Variants in B4GALT1 observed in about 807,000 individuals in gnomAD.
B4GALT1 encodes the protein beta-1,4-galactosyltransferase 1.
B4GALT1 carries 16 observed loss-of-function variants against 34.9 expected under a neutral mutation model. The ratio of observed to expected loss-of-function variants is 0.46; its 90% confidence interval spans 0.31 to 0.70. B4GALT1 has a LOEUF of 0.70. Among genes scored for constraint, B4GALT1 ranks in the 30% least tolerant of loss-of-function variants. B4GALT1 has a pLI of 0.05. For missense variants in B4GALT1, 445 were observed against 530.5 expected (o/e 0.84, Z 1.58); for synonymous variants, 221 against 218.1 (o/e 1.01, Z -0.12).
At chr9:33,183,027 G>A in the B4GALT1 span, among the ~76,000 whole-genome samples, 2 of 152,038 alleles carry the variant, frequency 1.3e-5, no homozygotes, top group East Asian at 1.9e-4. Flanking sequence ...CTTATCCATC[G>A]CTTTCCGATG....
At chr9:33,133,915 T>A (rs1230085648) in intron 2 of B4GALT1, among the ~76,000 whole-genome samples, 2 of 152,222 alleles carry the variant, frequency 1.3e-5, no homozygotes, top group Non-Finnish European at 2.9e-5. Context: ...TGGCCCCAGC[T>A]GAGAAGCCCA....
intron 1 of B4GALT1, among the ~76,000 whole-genome samples, chr9:33,157,522 T>G (rs1296220058): frequency 6.6e-6 from 1 of 152,160 alleles, no homozygotes. Flanking sequence ...ACATAACATT[T>G]TATAAGATAA....
At chr9:33,184,013 T>G in the B4GALT1 span, among the ~76,000 whole-genome samples, 1 of 151,830 alleles carries the variant, frequency 6.6e-6, no homozygotes, top group African/African-American at 2.4e-5. Context: ...CGCTGGGGCC[T>G]GCTGGGGGTT....
At chr9:33,146,222 T>C (rs548204998) in intron 1 of B4GALT1, among the ~76,000 whole-genome samples, 1 of 152,202 alleles carries the variant, frequency 6.6e-6, no homozygotes. Context: ...TCTCACTCCT[T>C]CCGCTGGAAT....
intron 1 of B4GALT1, among the ~76,000 whole-genome samples, chr9:33,135,804 G>A (rs937561259): frequency 1.3e-5 from 2 of 152,114 alleles, no homozygotes; most frequent in African/African-American, 4.8e-5. Flanking sequence ...AACCCCTGAG[G>A]TTGAGACTTA....
intron 1 of B4GALT1, among the ~76,000 whole-genome samples, chr9:33,145,572 A>C (rs1188002934): frequency 6.6e-6 from 1 of 152,224 alleles, no homozygotes; most frequent in Non-Finnish European, 1.5e-5. Flanking sequence ...CTGGCAGACA[A>C]GGGCCAATAG....
At chr9:33,133,664 G>C (rs924661418) in intron 2 of B4GALT1, among the ~76,000 whole-genome samples, 2 of 152,190 alleles carry the variant, frequency 1.3e-5, no homozygotes, top group Admixed American at 1.3e-4. Context: ...GCTTGCAGGT[G>C]TTCATAGGGC....
Position 33,112,081 on chromosome 9 carries a change from A to T in B4GALT1, c.*1373T>A, listed in dbSNP as rs1181897052. On this transcript the variant is annotated 3_prime_UTR_variant, in exon 6 of 6. Transcript: ENST00000379731. ...GCAAGAGGCAAAGGAACAAAAAGGG[A>T]GACGAAGGAAGGAATGAGAAAGGCA... 1 of 153,110 alleles carries T rather than the reference A, an allele frequency of 6.5e-6. No homozygotes were observed. 9.5% of individuals were successfully genotyped at this position (153,110 alleles called of 1,614,324 possible). A position where few individuals can be genotyped will look rare whatever the true frequency, so the allele number is the denominator to read the frequency against.
chr9:33,170,254 G>A, upstream of B4GALT1, among the ~76,000 whole-genome samples: 1 of 152,180 alleles, frequency 6.6e-6, no homozygotes, highest in East Asian at 1.9e-4. Context: ...ACAGTTGTGA[G>A]CCACCGTGCC....
Sources: gnomAD v4.1 joint callset for allele counts (sites outside exome capture counted in the v4.1 genomes callset) on GRCh38, gnomAD v4.1.1 for gene constraint, MANE v1.5 for transcripts, NCBI Gene and HGNC (gene_info 2026-07-23, HGNC 2026-07-21) for gene names.